Variants in RWDD4 observed in about 807,000 individuals in gnomAD.
RWDD4 encodes the protein RWD domain-containing protein 4.
RWDD4 carries 16 observed loss-of-function variants against 30.0 expected under a neutral mutation model. The observed-to-expected ratio is 0.53, with a 90% confidence interval of 0.36 to 0.81. RWDD4 has a LOEUF of 0.81. Among genes scored for constraint, RWDD4 ranks in the 30% least tolerant of loss-of-function variants. The pLI, the probability that RWDD4 is intolerant of heterozygous loss-of-function variation, is 0.00. For missense variants in RWDD4, 170 were observed against 223.9 expected, an observed-to-expected ratio of 0.76 and a Z score of 1.54; for synonymous variants, 45 against 72.1, an observed-to-expected ratio of 0.62 and a Z score of 1.90.
At chr4:183,649,332 T>C (rs7686593) in intron 5 of RWDD4, 119 bp downstream of exon 5, 132,378 of 615,038 alleles carry the variant, frequency 0.22, 16,669 homozygotes, top group African/African-American at 0.46. Context: ...GAGAATCGCA[T>C]GAGCCTGGGA....
chr4:183,643,954 C>A (rs1458927400), intron 7 of RWDD4, among the ~76,000 whole-genome samples: 1 of 152,106 alleles, frequency 6.6e-6, no homozygotes, highest in Non-Finnish European at 1.5e-5. Flanking sequence ...ACAAAAAAAA[C>A]TTCTTTCATC....
intron 2 of RWDD4, among the ~76,000 whole-genome samples, chr4:183,655,657 A>G (rs1455941995): frequency 6.6e-6 from 1 of 152,132 alleles, no homozygotes. Context: ...GTATCTTATG[A>G]TTCTGGTACA....
intron 1 of RWDD4, 124 bp from the exon 2 acceptor site, chr4:183,656,085 ATACT>A: frequency 4.7e-6 from 3 of 640,870 alleles, no homozygotes; most frequent in Non-Finnish European, 5.5e-6. Flanking sequence ...ATAACCTTAG[ATACT>A]TACCACATAG....
rs1734308753 is a variant in RWDD4 at position 183,659,083 on chromosome 4, G to A, written c.-131C>T. ...GTGGGGGCGGCACAGTCTTGGCACTGGCAGACGCCAACTGCGCGCGCCCCG... is the reference window on the plus strand; with the variant it reads ...GTGGGGGCGGCACAGTCTTGGCACTAGCAGACGCCAACTGCGCGCGCCCCG... On this transcript the variant is annotated 5_prime_UTR_variant, in exon 1 of 8. Coordinates refer to ENST00000326397, the MANE Select transcript of RWDD4 (RefSeq NM_152682.4). 3.1e-6 allele frequency: 2 copies of A among 651,160 alleles called. No individual in the cohort carries two copies. The highest frequency in any genetic ancestry group is 4.4e-5 in the Admixed American group (1 of 22,814). 40.3% of individuals were successfully genotyped at this position (651,160 alleles called of 1,614,324 possible).
At chr4:183,650,620 C>A (rs1332428726) in intron 4 of RWDD4, among the ~76,000 whole-genome samples, 3 of 152,128 alleles carry the variant, frequency 2.0e-5, no homozygotes, top group Admixed American at 6.5e-5. Context: ...ATGAAACAAG[C>A]CTCATGCAGA....
chr4:183,644,784 A>AAGAAG (rs1733935007), intron 7 of RWDD4, among the ~76,000 whole-genome samples: 1 of 148,780 alleles, frequency 6.7e-6, no homozygotes. Flanking sequence ...CTTCAAAAAA[A>AAGAAG]AAAAGAAAAG....
At chr4:183,641,993 AT>A (rs2111225415) in intron 7 of RWDD4, among the ~76,000 whole-genome samples, 1 of 152,082 alleles carries the variant, frequency 6.6e-6, no homozygotes, top group East Asian at 1.9e-4. Context: ...GGGTTGGCAA[AT>A]TTGGGGTAAG....
In RWDD4 at chr4:183,648,393, CCTAA is replaced by C. The variant is rs576139793; in HGVS notation, c.481+1054_481+1057del. On this transcript the variant is annotated intron_variant, in intron 5 of 7. Coordinates refer to ENST00000326397, the MANE Select transcript of RWDD4 (RefSeq NM_152682.4). ...GTACACAAATGACGTCCTCATTTTC[CCTAA>C]CTGTGAAAAAGTTTACAGACTGTTA... Among the ~76,000 whole-genome samples the C allele has an allele frequency of 2.3e-3, 353 of 152,186 alleles. 1 individual carries two copies. Among genetic ancestry groups the C allele is most frequent in the African/African-American group, 7.8e-3 (325 of 41,500 alleles).
chr4:183,655,613 G>C (rs912158426), intron 2 of RWDD4, among the ~76,000 whole-genome samples: 1 of 152,146 alleles, frequency 6.6e-6, no homozygotes, highest in Non-Finnish European at 1.5e-5. Flanking sequence ...TTAAAGATAA[G>C]ATTAAATAAT....
intron 5 of RWDD4, among the ~76,000 whole-genome samples, chr4:183,649,020 AG>A (rs1345811698): frequency 6.6e-6 from 1 of 152,026 alleles, no homozygotes; most frequent in Non-Finnish European, 1.5e-5. Context: ...GTGACCCAAA[AG>A]TTCACTGGCC....
intron 5 of RWDD4, among the ~76,000 whole-genome samples, chr4:183,649,160 T>A (rs893628205): frequency 2.6e-5 from 4 of 152,102 alleles, no homozygotes; most frequent in Admixed American, 6.5e-5. Flanking sequence ...ACGCCTGTAA[T>A]CCCAGCACTT....
At chr4:183,651,846 A>C (rs1487465321) in intron 2 of RWDD4, among the ~76,000 whole-genome samples, 1 of 152,234 alleles carries the variant, frequency 6.6e-6, no homozygotes, top group Non-Finnish European at 1.5e-5. Flanking sequence ...AGCTGCTAAC[A>C]ATTTCTGAAT....
Position 183,650,965 on chromosome 4 carries a change from A to G in RWDD4, c.363+19T>C. 1.3e-6 allele frequency: 2 copies of G among 1,593,194 alleles called. No homozygotes were observed. The highest frequency in any genetic ancestry group is 1.7e-6 in the Non-Finnish European group (2 of 1,168,958). On this transcript the variant is annotated intron_variant, in intron 4 of 7. Transcript: ENST00000326397. ...CAAAACAACAAAAGAATCCGGCAAAAAAATAATCACATACTCACTGCGGAA... is the reference window on the plus strand; with the variant it reads ...CAAAACAACAAAAGAATCCGGCAAAGAAATAATCACATACTCACTGCGGAA...
intron 2 of RWDD4, among the ~76,000 whole-genome samples, chr4:183,654,349 G>A (rs1413560030): frequency 6.6e-6 from 1 of 152,202 alleles, no homozygotes; most frequent in Non-Finnish European, 1.5e-5. Flanking sequence ...TCATGGTGGA[G>A]TATAAGGGGG....
intron 1 of RWDD4, among the ~76,000 whole-genome samples, chr4:183,656,285 A>T (rs558369897): frequency 1.6e-4 from 24 of 152,244 alleles, no homozygotes; most frequent in Non-Finnish European, 3.1e-4. Flanking sequence ...GCCACTCCAG[A>T]GCAAGCGCTC....
intron 7 of RWDD4, among the ~76,000 whole-genome samples, chr4:183,643,067 T>TAAAA (rs1182540170): frequency 1.4e-5 from 1 of 73,332 alleles, no homozygotes; most frequent in African/African-American, 5.7e-5. Context: ...CAAAAATAAA[T>TAAAA]AAATAAATAA....
In RWDD4 at chr4:183,651,052, T is replaced by A. The variant is rs1425649106; in HGVS notation, c.295A>T (p.Thr99Ser). 6.2e-7 allele frequency: 1 copy of A among 1,613,578 alleles called. No individual in the cohort carries two copies. Among genetic ancestry groups the A allele is most frequent in the Non-Finnish European group, 8.5e-7 (1 of 1,179,956 alleles). ...EANLGTAMTY[T>S]LFEYAKDNKE... Reference sequence around the variant, plus strand: ...TTGTCTTTGGCATATTCAAACAATGTATAGGTCATAGCGGTTCCAAGATTA... The same window carrying A: ...TTGTCTTTGGCATATTCAAACAATGAATAGGTCATAGCGGTTCCAAGATTA... Residue 99 changes from threonine (T) to serine (S), a missense_variant, in exon 4 of 8, where the codon ACA becomes TCA. Thr to Ser is a moderately conservative substitution (Grantham distance 58). Coordinates refer to ENST00000326397, the MANE Select transcript of RWDD4 (RefSeq NM_152682.4).
chr4:183,657,790 T>C (rs965045861), intron 1 of RWDD4, among the ~76,000 whole-genome samples: 6 of 152,202 alleles, frequency 3.9e-5, no homozygotes, highest in African/African-American at 1.2e-4. Flanking sequence ...TCTGAGAAAC[T>C]GGGCAGGAAA....
chr4:183,655,163 A>C (rs1579132268), intron 2 of RWDD4, among the ~76,000 whole-genome samples: 1 of 151,434 alleles, frequency 6.6e-6, no homozygotes. Context: ...CTGGTCTAGA[A>C]CTCCAGACTT....
Sources: gnomAD v4.1 joint callset for allele counts (sites outside exome capture counted in the v4.1 genomes callset) on GRCh38, gnomAD v4.1.1 for gene constraint, MANE v1.5 for transcripts, NCBI Gene and HGNC (gene_info 2026-07-23, HGNC 2026-07-21) for gene names.